The following SDK1 variants were observed in gnomAD, a reference collection of about 807,000 sequenced individuals.
The protein encoded by SDK1 is protein sidekick-1.
In SDK1, 157 loss-of-function variants were observed where a neutral mutation model predicts 245.5. That is an observed-to-expected ratio of 0.64 (90% CI 0.56 to 0.73). The LOEUF (loss-of-function observed/expected upper bound fraction) is 0.73, where lower values mean the gene tolerates loss of function less well. Ranked by LOEUF, SDK1 falls within the 30% of genes least tolerant of loss-of-function variation. SDK1 has a pLI of 0.00. For missense variants in SDK1, 3,583 were observed against 3,002.3 expected, an observed-to-expected ratio of 1.19 and a Z score of -4.52; for synonymous variants, 1,647 against 1,278.5, an observed-to-expected ratio of 1.29 and a Z score of -6.15.
rs574772068 is a variant in SDK1 at position 4,262,683 on chromosome 7, A to AC, written c.6382-2435dup. ...ACGATCACTTGCAAGGGGAGGATGCACCCCCCAATCCTCTCCCCTCATCAC... is the reference window on the plus strand; with the variant it reads ...ACGATCACTTGCAAGGGGAGGATGCACCCCCCCAATCCTCTCCCCTCATCAC... On this transcript the variant is annotated intron_variant, in intron 44 of 44. Transcript: ENST00000404826. Among the ~76,000 whole-genome samples the AC allele has an allele frequency of 5.5e-3, 664 of 121,576 alleles. 5 individuals carry two copies. Among genetic ancestry groups the AC allele is most frequent in the Middle Eastern group, 8.8e-3 (2 of 226 alleles). 79.8% of individuals were successfully genotyped at this position (121,576 alleles called of 152,430 possible). A position where few individuals can be genotyped will look rare whatever the true frequency, so the allele number is the denominator to read the frequency against.
At chr7:4,025,450 A>G (rs1787267513) in intron 17 of SDK1, among the ~76,000 whole-genome samples, 1 of 152,192 alleles carries the variant, frequency 6.6e-6, no homozygotes, top group African/African-American at 2.4e-5. Flanking sequence ...GTATCGGTGC[A>G]GATCACCTCT....
rs1305092107 is a variant in SDK1 at position 3,590,518 on chromosome 7, A to G, written c.299-28562A>G. Reference sequence around the variant, plus strand: ...TTTAGCTTCCAAAATGTGAATGCTAATAAGTTTGAAATCACTAAATCACAG... The same window carrying G: ...TTTAGCTTCCAAAATGTGAATGCTAGTAAGTTTGAAATCACTAAATCACAG... On this transcript the variant is annotated intron_variant, in intron 1 of 44. Transcript: ENST00000404826. Among the ~76,000 whole-genome samples the G allele has an allele frequency of 3.9e-5, 6 of 152,330 alleles. No individual in the cohort carries two copies. The East Asian group carries it at 9.6e-4, about 24-fold the overall frequency.
At chr7:3,456,736 T>G (rs937300175) in intron 1 of SDK1, among the ~76,000 whole-genome samples, 1 of 152,172 alleles carries the variant, frequency 6.6e-6, no homozygotes, top group African/African-American at 2.4e-5. Flanking sequence ...TCACTCAAGT[T>G]GTGATTCCCC....
At chr7:4,004,640 A>G (rs556313093) in intron 14 of SDK1, among the ~76,000 whole-genome samples, 3 of 152,338 alleles carry the variant, frequency 2.0e-5, no homozygotes, top group East Asian at 3.9e-4. Flanking sequence ...CATTTTAACC[A>G]TATTTATTTC....
intron 5 of SDK1, among the ~76,000 whole-genome samples, chr7:3,847,612 C>G (rs992469124): frequency 6.6e-6 from 1 of 152,210 alleles, no homozygotes; most frequent in Non-Finnish European, 1.5e-5. Context: ...CATTATCTCT[C>G]ACTGGATTAA....
chr7:3,911,282 G>C (rs902537697), intron 5 of SDK1, among the ~76,000 whole-genome samples: 2 of 152,142 alleles, frequency 1.3e-5, no homozygotes, highest in Admixed American at 6.5e-5. Flanking sequence ...CCCCACTTTA[G>C]GAAGGGGCAG....
intron 4 of SDK1, among the ~76,000 whole-genome samples, chr7:3,748,538 A>G (rs77819366): frequency 2.4e-4 from 36 of 152,300 alleles, no homozygotes; most frequent in Non-Finnish European, 5.9e-5. Flanking sequence ...AAGGACCCTT[A>G]AGGTTCAGAG....
chr7:3,875,515 G>A (rs965884941), intron 5 of SDK1, among the ~76,000 whole-genome samples: 10 of 152,228 alleles, frequency 6.6e-5, no homozygotes, highest in Admixed American at 4.6e-4. Flanking sequence ...CTATGCAATC[G>A]TGTGTCAAGC....
chr7:3,911,778 C>G (rs944670553), intron 5 of SDK1, among the ~76,000 whole-genome samples: 2 of 152,166 alleles, frequency 1.3e-5, no homozygotes, highest in African/African-American at 4.8e-5. Context: ...AATGAGTCAG[C>G]TGAACAAGGA....
At chr7:3,474,980 C>T (rs1022540945) in intron 1 of SDK1, among the ~76,000 whole-genome samples, 23 of 152,286 alleles carry the variant, frequency 1.5e-4, no homozygotes, top group South Asian at 6.2e-4. Context: ...TGTGAGCCAC[C>T]GTGTCCAGCC....
chr7:3,353,030 T>C (rs1447147178), intron 1 of SDK1, among the ~76,000 whole-genome samples: 1 of 152,216 alleles, frequency 6.6e-6, no homozygotes, highest in Non-Finnish European at 1.5e-5. Flanking sequence ...CTGGTGATCA[T>C]ATCCCACCGT....
At chr7:3,414,886 A>T (rs373261085) in intron 1 of SDK1, among the ~76,000 whole-genome samples, 1 of 152,162 alleles carries the variant, frequency 6.6e-6, no homozygotes, top group Non-Finnish European at 1.5e-5. Flanking sequence ...AGATGCATCC[A>T]TGTTGTAGCA....
chr7:3,504,028 T>C (rs1782305643), intron 1 of SDK1, among the ~76,000 whole-genome samples: 2 of 151,872 alleles, frequency 1.3e-5, no homozygotes, highest in Non-Finnish European at 2.9e-5. Flanking sequence ...CACGTGCCTG[T>C]AGTCTCAGCT....
intron 4 of SDK1, among the ~76,000 whole-genome samples, chr7:3,806,065 A>G (rs1779235298): frequency 6.6e-6 from 1 of 152,208 alleles, no homozygotes; most frequent in Non-Finnish European, 1.5e-5. Context: ...AGACAAGGAA[A>G]GACTGCAAAT....
chr7:4,103,063 C>A (rs1444174604), intron 22 of SDK1, among the ~76,000 whole-genome samples: 1 of 144,488 alleles, frequency 6.9e-6, no homozygotes, highest in Non-Finnish European at 1.5e-5. Context: ...TGTAGTGGTG[C>A]GATCTCGGCT....
At chr7:3,800,490 T>A (rs1198389579) in intron 4 of SDK1, among the ~76,000 whole-genome samples, 1 of 152,060 alleles carries the variant, frequency 6.6e-6, no homozygotes, top group Non-Finnish European at 1.5e-5. Flanking sequence ...TAAGAGATTC[T>A]CCTGCCTCAG....
intron 25 of SDK1, among the ~76,000 whole-genome samples, chr7:4,125,377 G>A (rs1484762712): frequency 1.4e-5 from 2 of 146,504 alleles, no homozygotes; most frequent in African/African-American, 5.1e-5. Context: ...GAATGGATGG[G>A]TGATGGGTGG....
At chr7:3,987,017 G>T (rs1296019261) in intron 13 of SDK1, among the ~76,000 whole-genome samples, 169 bp from the exon 14 acceptor site, 1 of 152,174 alleles carries the variant, frequency 6.6e-6, no homozygotes, top group East Asian at 1.9e-4. Flanking sequence ...GCTGGGTTTT[G>T]TGTGTCCTTT....
chr7:3,668,959 C>T (rs1783615829), intron 4 of SDK1, among the ~76,000 whole-genome samples: 1 of 152,152 alleles, frequency 6.6e-6, no homozygotes, highest in South Asian at 2.1e-4. Context: ...GAGGCTCTGG[C>T]AGAGCATGTC....
Sources: gnomAD v4.1 joint callset for allele counts (sites outside exome capture counted in the v4.1 genomes callset) on GRCh38, gnomAD v4.1.1 for gene constraint, MANE v1.5 for transcripts, NCBI Gene and HGNC (gene_info 2026-07-23, HGNC 2026-07-21) for gene names.